AGAP1: variants seen among roughly 807,000 people sequenced by gnomAD.
AGAP1 encodes ArfGAP with GTPase domain, ankyrin repeat and PH domain 1, also known as arf-GAP with GTPase, ANK repeat and PH domain-containing protein 1.
Under a neutral mutation model 105.3 loss-of-function variants are expected in AGAP1, and 29 were observed. That is an observed-to-expected ratio of 0.28 (90% CI 0.21 to 0.38). The LOEUF is 0.38. AGAP1 is among the 10% of genes least tolerant of loss of function. The pLI is 1.00. For missense variants in AGAP1, 998 were observed against 1,165.1 expected (o/e 0.86, Z 2.09); for synonymous variants, 509 against 485.9 (o/e 1.05, Z -0.63).
intron 13 of AGAP1, among the ~76,000 whole-genome samples, chr2:236,013,473 C>CGTT (rs1457548459): frequency 1.3e-4 from 20 of 152,296 alleles, no homozygotes; most frequent in African/African-American, 4.8e-4. Flanking sequence ...GTCAGGAACA[C>CGTT]GTTGGGGTTG....
Position 235,904,100 on chromosome 2 carries a change from G to A in AGAP1, c.1156-4638G>A, listed in dbSNP as rs976104291. On this transcript the variant is annotated intron_variant, in intron 10 of 17. Transcript: ENST00000304032. The surrounding 1 kb of genome is among the most constrained non-coding windows in gnomAD (Gnocchi z 4.2). ...TTGCATCTGGGACATCAATTAGCATGTTTGTTGAGGCTAATTGAATGAAAC... is the reference window on the plus strand; with the variant it reads ...TTGCATCTGGGACATCAATTAGCATATTTGTTGAGGCTAATTGAATGAAAC... Among the ~76,000 whole-genome samples, 4 of 152,208 alleles carry A rather than the reference G, an allele frequency of 2.6e-5. No homozygotes were observed. Among genetic ancestry groups the A allele is most frequent in the Admixed American group, 6.5e-5 (1 of 15,290 alleles).
rs1950245804 is a variant in AGAP1 at position 235,701,236 on chromosome 2, G to A, written c.164-7943G>A. 6.6e-6 allele frequency among the ~76,000 whole-genome samples: 1 copy of A among 151,908 alleles called. No homozygotes were observed. The highest frequency in any genetic ancestry group is 2.4e-5 in the African/African-American group (1 of 41,306). Reference sequence around the variant, plus strand: ...GTTACAAACCTGCAAATCCTCTAGAGCCCATTTGGGCCGGCAAACTTTTGC... The same window carrying A: ...GTTACAAACCTGCAAATCCTCTAGAACCCATTTGGGCCGGCAAACTTTTGC... On this transcript the variant is annotated intron_variant, in intron 1 of 17. Transcript: ENST00000304032. The surrounding 1 kb of genome is among the most constrained non-coding windows in gnomAD (Gnocchi z 4.1).
At chr2:235,677,072 T>C (rs1269154487) in intron 1 of AGAP1, among the ~76,000 whole-genome samples, 1 of 152,232 alleles carries the variant, frequency 6.6e-6, no homozygotes, top group African/African-American at 2.4e-5. Flanking sequence ...GCCCTAGAAC[T>C]GTGTTTCCCA....
At position 236,040,272 on chromosome 2, in the gene AGAP1, C is replaced by T. The variant is rs2057507203; in HGVS notation, c.1801-479C>T. Among the ~76,000 whole-genome samples the T allele has an allele frequency of 6.6e-6, 1 of 152,180 alleles. No individual in the cohort carries two copies. Among genetic ancestry groups the T allele is most frequent in the African/African-American group, 2.4e-5 (1 of 41,448 alleles). On this transcript the variant is annotated intron_variant, in intron 14 of 17. Coordinates refer to ENST00000304032, the MANE Select transcript of AGAP1 (RefSeq NM_001037131.3). The surrounding 1 kb of genome is among the most constrained non-coding windows in gnomAD (Gnocchi z 5.6). ...GAGGGTCTTCAGATGACATGTGCAT[C>T]TCCCAGGGTGACGTGTGGTATGAAT...
intron 6 of AGAP1, among the ~76,000 whole-genome samples, chr2:235,762,613 A>T (rs2149790381): frequency 6.6e-6 from 1 of 152,322 alleles, no homozygotes; most frequent in South Asian, 2.1e-4. Flanking sequence ...CACACCTGTA[A>T]TCCCAGCACT....
Position 236,105,103 on chromosome 2 carries a change from C to T in AGAP1, c.2115-15089C>T, listed in dbSNP as rs2059451282. Among the ~76,000 whole-genome samples the T allele has an allele frequency of 6.6e-6, 1 of 151,946 alleles. No individual in the cohort carries two copies. The highest frequency in any genetic ancestry group is 2.1e-4 in the South Asian group (1 of 4,810). ...TTCTGTCTGTCTCGGTGAGAGAAGGCACGGCCCTCACCCAGGGCAGCAGAG... is the reference window on the plus strand; with the variant it reads ...TTCTGTCTGTCTCGGTGAGAGAAGGTACGGCCCTCACCCAGGGCAGCAGAG... On this transcript the variant is annotated intron_variant, in intron 16 of 17. Transcript: ENST00000304032. This position sits in a 1 kb window ranked among gnomAD's most constrained non-coding sequence, Gnocchi z 4.2.
chr2:235,961,768 G>A lies in AGAP1; in HGVS notation c.1484-6694G>A, dbSNP rs565675463. The stretch of plus-strand genomic sequence containing the variant: ...CTAAAAATACGAAAATTAGCTGGGC[G>A]TGGTGCAGGAGAATCTCTTGAACCC... On this transcript the variant is annotated intron_variant, in intron 12 of 17. Transcript: ENST00000304032. This position sits in a 1 kb window ranked among gnomAD's most constrained non-coding sequence, Gnocchi z 5.9. Among the ~76,000 whole-genome samples the A allele has an allele frequency of 2.0e-5, 3 of 152,320 alleles. No individual in the cohort carries two copies. Among genetic ancestry groups the A allele is most frequent in the East Asian group, 1.9e-4 (1 of 5,168 alleles).
rs1211124857 is a variant in AGAP1, at chr2:235,705,954, A to G, written c.164-3225A>G. ...AAAAATCAGCAGTGCATTGATGAAT[A>G]GAGCTCATTTTAATTCACAGTTTAC... On this transcript the variant is annotated intron_variant, in intron 1 of 17. Transcript: ENST00000304032. The surrounding 1 kb of genome is among the most constrained non-coding windows in gnomAD (Gnocchi z 4.9). Among the ~76,000 whole-genome samples the G allele has an allele frequency of 6.6e-6, 1 of 152,248 alleles. No individual in the cohort carries two copies. The highest frequency in any genetic ancestry group is 2.4e-5 in the African/African-American group (1 of 41,464).
chr2:236,026,148 A>G (rs747941725), intron 13 of AGAP1, among the ~76,000 whole-genome samples: 9 of 152,204 alleles, frequency 5.9e-5, no homozygotes, highest in Non-Finnish European at 1.3e-4. Flanking sequence ...CCATGTCCTG[A>G]CAGGTCCCAG....
intron 16 of AGAP1, among the ~76,000 whole-genome samples, chr2:236,079,385 A>C (rs1256497239): frequency 2.6e-5 from 4 of 151,378 alleles, no homozygotes; most frequent in African/African-American, 9.7e-5. Flanking sequence ...AAAAAAAAAA[A>C]AAAACAGGCA....
Position 236,014,731 on chromosome 2 carries a change from CCTTTT to C in AGAP1, c.1646-21828_1646-21824del. ...GCTACTTTGACCTTTTTTTTTCTCC[CCTTTT>C]CATTTGTTTTCTTTTCCTTTTTGTT... On this transcript the variant is annotated intron_variant, in intron 13 of 17. Coordinates refer to ENST00000304032, the MANE Select transcript of AGAP1 (RefSeq NM_001037131.3). This position sits in a 1 kb window ranked among gnomAD's most constrained non-coding sequence, Gnocchi z 6.3. 2.6e-6 allele frequency: 1 copy of C among 388,348 alleles called. No homozygotes were observed. Among genetic ancestry groups the C allele is most frequent in the South Asian group, 2.0e-5 (1 of 50,760 alleles). The allele number at this position is 388,348 out of a possible 1,614,324, so 24.1% of individuals were successfully genotyped here.
At position 235,989,576 on chromosome 2, in the gene AGAP1, A is replaced by G. The variant is rs955532141; in HGVS notation, c.1645+20953A>G. On this transcript the variant is annotated intron_variant, in intron 13 of 17. Coordinates refer to ENST00000304032, the MANE Select transcript of AGAP1 (RefSeq NM_001037131.3). This position sits in a 1 kb window ranked among gnomAD's most constrained non-coding sequence, Gnocchi z 4.4. Reference sequence around the variant, plus strand: ...GGGGCTGCCTGCGTGCAAGGAGGACATGAGGCCACATACAAAGCTTAGGGC... The same window carrying G: ...GGGGCTGCCTGCGTGCAAGGAGGACGTGAGGCCACATACAAAGCTTAGGGC... Among the ~76,000 whole-genome samples, 4 of 152,160 alleles carry G rather than the reference A, an allele frequency of 2.6e-5. No homozygotes were observed. The highest frequency in any genetic ancestry group is 7.2e-5 in the African/African-American group (3 of 41,458).
At position 235,510,256 on chromosome 2, in the gene AGAP1, G is replaced by C. The variant is rs370729314; in HGVS notation, c.163+15407G>C. On this transcript the variant is annotated intron_variant, in intron 1 of 17. Coordinates refer to ENST00000304032, the MANE Select transcript of AGAP1 (RefSeq NM_001037131.3). ...CTTCAGTGGGAAAATTGTCTTCCAC[G>C]AAACCGGTCCCTGATGCCAAGAAGG... 2.0e-5 allele frequency among the ~76,000 whole-genome samples: 3 copies of C among 152,120 alleles called. No homozygotes were observed. The East Asian group carries it at 5.8e-4, about 29-fold the overall frequency.
chr2:235,900,300 G>A lies in AGAP1; in HGVS notation c.1156-8438G>A, dbSNP rs114715385. 0.033 allele frequency among the ~76,000 whole-genome samples: 5,082 copies of A among 152,174 alleles called. 296 individuals carry two copies. Among genetic ancestry groups the A allele is most frequent in the African/African-American group, 0.11 (4,734 of 41,498 alleles). ...TGGGTCAGTCACTCCAGCCAACACT[G>A]TAACTTCCTTCTTAGCCTGTTGACT... On this transcript the variant is annotated intron_variant, in intron 10 of 17. Coordinates refer to ENST00000304032, the MANE Select transcript of AGAP1 (RefSeq NM_001037131.3). The surrounding 1 kb of genome is among the most constrained non-coding windows in gnomAD (Gnocchi z 5.5).
chr2:235,628,368 G>A (rs1041183454), intron 1 of AGAP1, among the ~76,000 whole-genome samples: 2 of 152,204 alleles, frequency 1.3e-5, no homozygotes, highest in African/African-American at 2.4e-5. Flanking sequence ...TCCCCATGGA[G>A]GAGCACTGGA....
chr2:235,583,061 T>A (rs1402898583), intron 1 of AGAP1, among the ~76,000 whole-genome samples: 2 of 152,174 alleles, frequency 1.3e-5, no homozygotes, highest in South Asian at 2.1e-4. Context: ...AGAATAAACT[T>A]CATTTGTCCT....
At chr2:235,825,939 G>T (rs558071048) in intron 9 of AGAP1, among the ~76,000 whole-genome samples, 1 of 152,042 alleles carries the variant, frequency 6.6e-6, no homozygotes, top group African/African-American at 2.4e-5. Context: ...CTTTCACATT[G>T]CATGCCTGTA....
rs1048935852 is a variant in AGAP1 at position 235,787,243 on chromosome 2, A to G, written c.674-10516A>G. Among the ~76,000 whole-genome samples the G allele has an allele frequency of 2.6e-5, 4 of 152,212 alleles. No homozygotes were observed. The highest frequency in any genetic ancestry group is 9.6e-5 in the African/African-American group (4 of 41,454). ...CCAAACCATGTGGGTTTCCTATGTCATGAAAGCTTTTCTTCATCACGTGCT... is the reference window on the plus strand; with the variant it reads ...CCAAACCATGTGGGTTTCCTATGTCGTGAAAGCTTTTCTTCATCACGTGCT... On this transcript the variant is annotated intron_variant, in intron 6 of 17. Coordinates refer to ENST00000304032, the MANE Select transcript of AGAP1 (RefSeq NM_001037131.3). The surrounding 1 kb of genome is among the most constrained non-coding windows in gnomAD (Gnocchi z 4.4).
At position 236,095,416 on chromosome 2, in the gene AGAP1, C is replaced by A. The variant is rs1317365820; in HGVS notation, c.2115-24776C>A. 2.0e-5 allele frequency among the ~76,000 whole-genome samples: 3 copies of A among 151,868 alleles called. No individual in the cohort carries two copies. Among genetic ancestry groups the A allele is most frequent in the Non-Finnish European group, 4.4e-5 (3 of 67,988 alleles). Reference sequence around the variant, plus strand: ...TGTCTTGGCTGGGCACAGTGGCTCACGTGTGTAATCCCAGCACTTTTGGAG... The same window carrying A: ...TGTCTTGGCTGGGCACAGTGGCTCAAGTGTGTAATCCCAGCACTTTTGGAG... On this transcript the variant is annotated intron_variant, in intron 16 of 17. Coordinates refer to ENST00000304032, the MANE Select transcript of AGAP1 (RefSeq NM_001037131.3). The surrounding 1 kb of genome is among the most constrained non-coding windows in gnomAD (Gnocchi z 4.1).
Sources: gnomAD v4.1 joint callset for allele counts (sites outside exome capture counted in the v4.1 genomes callset) on GRCh38, gnomAD v4.1.1 for gene constraint, Gnocchi (gnomAD v3.1) non-coding constraint, MANE v1.5 for transcripts, NCBI Gene and HGNC (gene_info 2026-07-23, HGNC 2026-07-21) for gene names.